Variants in ADAM12 observed in about 807,000 individuals in gnomAD.
The protein encoded by ADAM12 is disintegrin and metalloproteinase domain-containing protein 12.
Under a neutral mutation model 106.4 loss-of-function variants are expected in ADAM12, and 70 were observed. The ratio of observed to expected loss-of-function variants is 0.66; its 90% CI spans 0.54 to 0.80. The LOEUF (loss-of-function observed/expected upper bound fraction) is 0.80, where lower values mean the gene tolerates loss of function less well. Among genes scored for constraint, ADAM12 ranks in the 30% least tolerant of loss-of-function variants. The pLI is 0.00. For missense variants in ADAM12, 1,010 were observed against 1,171.9 expected (o/e 0.86, Z 2.02); for synonymous variants, 420 against 433.5 (o/e 0.97, Z 0.39).
chr10:126,270,088 T>C (rs532275785), intron 3 of ADAM12, among the ~76,000 whole-genome samples: 50 of 152,364 alleles, frequency 3.3e-4, no homozygotes, highest in African/African-American at 1.2e-3. Flanking sequence ...AGATTTTAAC[T>C]TAAATCTGAA....
intron 2 of ADAM12, among the ~76,000 whole-genome samples, chr10:126,294,513 T>C (rs903346127): frequency 1.3e-5 from 2 of 152,158 alleles, no homozygotes; most frequent in Non-Finnish European, 2.9e-5. Context: ...GCTGTTCAGG[T>C]TTCCTCCCTG....
chr10:126,090,026 G>A (rs939180339), intron 11 of ADAM12, among the ~76,000 whole-genome samples: 8 of 152,100 alleles, frequency 5.3e-5, no homozygotes, highest in Non-Finnish European at 7.4e-5. Context: ...CTGGCCTCAA[G>A]CAATCCTCCT....
intron 2 of ADAM12, among the ~76,000 whole-genome samples, chr10:126,315,381 G>A (rs565932578): frequency 5.3e-5 from 8 of 152,232 alleles, no homozygotes; most frequent in South Asian, 4.1e-4. Flanking sequence ...CCAAAAGAAC[G>A]TCTCCGTGTT....
At chr10:126,165,271 A>C (rs1467644597) in intron 3 of ADAM12, among the ~76,000 whole-genome samples, 1 of 152,100 alleles carries the variant, frequency 6.6e-6, no homozygotes, top group African/African-American at 2.4e-5. Context: ...AAGCTCAGGC[A>C]ATTCTCCTGC....
intron 3 of ADAM12, among the ~76,000 whole-genome samples, chr10:126,254,316 T>C (rs1287061801): frequency 1.3e-5 from 2 of 152,070 alleles, no homozygotes; most frequent in Non-Finnish European, 2.9e-5. Context: ...GCACATACCT[T>C]ATAGGGTTGA....
At chr10:126,253,213 C>A (rs1244516238) in intron 3 of ADAM12, among the ~76,000 whole-genome samples, 3 of 152,030 alleles carry the variant, frequency 2.0e-5, no homozygotes, top group Non-Finnish European at 2.9e-5. Flanking sequence ...TCTGACCACT[C>A]TTGACATTTA....
At chr10:126,101,993 C>T (rs971837097) in intron 8 of ADAM12, among the ~76,000 whole-genome samples, 1 of 152,170 alleles carries the variant, frequency 6.6e-6, no homozygotes, top group Non-Finnish European at 1.5e-5. Context: ...CTGCCTGCCC[C>T]CACCATCTTT....
intron 6 of ADAM12, among the ~76,000 whole-genome samples, chr10:126,111,557 G>A (rs1955868755): frequency 6.6e-6 from 1 of 152,072 alleles, no homozygotes; most frequent in South Asian, 2.1e-4. Context: ...TCATGGAAAG[G>A]AATCTGGTTG....
intron 5 of ADAM12, among the ~76,000 whole-genome samples, chr10:126,123,895 C>T (rs1290287905): frequency 6.6e-6 from 1 of 152,138 alleles, no homozygotes; most frequent in Non-Finnish European, 1.5e-5. Flanking sequence ...CATGTAAAAT[C>T]CTGTTGTTTT....
At chr10:126,147,448 G>T (rs889479761) in intron 4 of ADAM12, among the ~76,000 whole-genome samples, 1 of 152,160 alleles carries the variant, frequency 6.6e-6, no homozygotes, top group African/African-American at 2.4e-5. Context: ...ACGCCTTGAG[G>T]AAGGCCTTTA....
At chr10:126,230,529 C>A (rs935916585) in intron 3 of ADAM12, among the ~76,000 whole-genome samples, 1 of 152,172 alleles carries the variant, frequency 6.6e-6, no homozygotes, top group Non-Finnish European at 1.5e-5. Flanking sequence ...TGTGTAAGAA[C>A]CCACCCACTC....
At chr10:126,316,962 C>A (rs2133826642) in intron 2 of ADAM12, among the ~76,000 whole-genome samples, 1 of 152,142 alleles carries the variant, frequency 6.6e-6, no homozygotes, top group South Asian at 2.1e-4. Flanking sequence ...GTATCTCAAG[C>A]ATGTATAAGC....
intron 5 of ADAM12, among the ~76,000 whole-genome samples, chr10:126,124,847 G>A (rs965836272): frequency 2.3e-5 from 3 of 130,532 alleles, no homozygotes; most frequent in Non-Finnish European, 4.6e-5. Context: ...AGCCAAGATC[G>A]CACCACTGCA....
chr10:126,171,233 T>A (rs959820663), intron 3 of ADAM12, among the ~76,000 whole-genome samples: 4 of 152,224 alleles, frequency 2.6e-5, no homozygotes, highest in African/African-American at 9.7e-5. Context: ...GCGGCTTTCA[T>A]TATGCTTCGG....
intron 3 of ADAM12, among the ~76,000 whole-genome samples, chr10:126,155,588 C>T (rs527971447): frequency 4.6e-5 from 7 of 152,118 alleles, no homozygotes; most frequent in East Asian, 1.9e-4. Flanking sequence ...TTCCTTCATG[C>T]GCACACTGGG....
At chr10:126,206,244 A>G (rs1565137798) in intron 3 of ADAM12, among the ~76,000 whole-genome samples, 2 of 152,226 alleles carry the variant, frequency 1.3e-5, no homozygotes, top group Non-Finnish European at 2.9e-5. Context: ...CCACATGGAC[A>G]TGAATCTTTC....
intron 11 of ADAM12, among the ~76,000 whole-genome samples, chr10:126,085,823 A>G (rs944973534): frequency 6.6e-6 from 1 of 152,152 alleles, no homozygotes; most frequent in Admixed American, 6.5e-5. Flanking sequence ...GAGCTCTACT[A>G]TGTGTCAGGC....
intron 3 of ADAM12, among the ~76,000 whole-genome samples, chr10:126,273,752 G>A (rs964086282): frequency 6.6e-6 from 1 of 152,158 alleles, no homozygotes; most frequent in Non-Finnish European, 1.5e-5. Flanking sequence ...ATATAATTCG[G>A]TAAAATAATT....
chr10:126,170,984 T>C (rs538767182), intron 3 of ADAM12, among the ~76,000 whole-genome samples: 98 of 152,332 alleles, frequency 6.4e-4, no homozygotes, highest in African/African-American at 2.2e-3. Context: ...GGGCCATTCA[T>C]TGATGGATTT....
Sources: gnomAD v4.1 joint callset for allele counts (sites outside exome capture counted in the v4.1 genomes callset) on GRCh38, gnomAD v4.1.1 for gene constraint, MANE v1.5 for transcripts, NCBI Gene and HGNC (gene_info 2026-07-23, HGNC 2026-07-21) for gene names.